The following FLT1 variants were observed in gnomAD, a reference collection of about 807,000 sequenced individuals.
The protein encoded by FLT1 is vascular endothelial growth factor receptor 1.
A neutral mutation model predicts 156.3 loss-of-function variants in FLT1; 49 were observed. The ratio of observed to expected loss-of-function variants is 0.31; its 90% CI spans 0.25 to 0.40. The LOEUF (loss-of-function observed/expected upper bound fraction) is 0.40, where lower values mean the gene tolerates loss of function less well. Ranked by LOEUF, FLT1 falls within the 10% of genes least tolerant of loss-of-function variation. The pLI is 1.00. For synonymous variants in FLT1, 594 were observed against 583.8 expected (o/e 1.02, Z -0.25); for missense variants, 1,322 against 1,637.2 (o/e 0.81, Z 3.32).
intron 2 of FLT1, 108 bp downstream of exon 2, chr13:28,467,413 T>C: frequency 1.3e-6 from 1 of 789,838 alleles, no homozygotes; most frequent in Non-Finnish European, 2.2e-6. Flanking sequence ...GTTTGCACTT[T>C]GCAGATCACA....
intron 12 of FLT1, 70 bp downstream of exon 12, chr13:28,396,888 ACT>A: frequency 1.1e-6 from 1 of 914,466 alleles, no homozygotes; most frequent in Non-Finnish European, 1.8e-6. Context: ...CTATAAATGC[ACT>A]AAAAGCAAAC....
chr13:28,366,059 T>G (rs150424013), intron 14 of FLT1, among the ~76,000 whole-genome samples: 1 of 152,272 alleles, frequency 6.6e-6, no homozygotes, highest in East Asian at 1.9e-4. Flanking sequence ...AATTTGGGGA[T>G]TTGAGTCTGG....
chr13:28,383,697 C>T (rs541810268), intron 14 of FLT1, among the ~76,000 whole-genome samples: 19 of 151,564 alleles, frequency 1.3e-4, no homozygotes, highest in South Asian at 4.2e-4. Context: ...GGTGTGGCGG[C>T]GGGCACCTGT....
chr13:28,427,985 C>T (rs924109624), intron 8 of FLT1, 64 bp from the exon 9 acceptor site: 24 of 1,426,962 alleles, frequency 1.7e-5, no homozygotes, highest in Middle Eastern at 1.7e-4. Context: ...TTTGATAACA[C>T]GGTCATTGAA....
intron 1 of FLT1, among the ~76,000 whole-genome samples, chr13:28,470,098 G>A (rs1880074348): frequency 6.6e-6 from 1 of 152,114 alleles, no homozygotes; most frequent in African/African-American, 2.4e-5. Flanking sequence ...CGGTATCAAA[G>A]TACTCCTAAA....
intron 28 of FLT1, 71 bp downstream of exon 28, chr13:28,308,772 G>A (rs540797946): frequency 7.3e-5 from 67 of 915,204 alleles, no homozygotes; most frequent in Middle Eastern, 6.4e-4. Flanking sequence ...CATTACTGGC[G>A]TTGGTGTTTG....
intron 14 of FLT1, among the ~76,000 whole-genome samples, chr13:28,372,044 GTGTGTATATATA>G (rs1342125240): frequency 6.0e-4 from 8 of 13,434 alleles, no homozygotes; most frequent in Admixed American, 1.1e-3. Context: ...GTGTGTGTGT[GTGTGTATATATA>G]TATATATATA....
intron 14 of FLT1, among the ~76,000 whole-genome samples, chr13:28,363,950 A>G (rs975280941): frequency 6.6e-6 from 1 of 152,104 alleles, no homozygotes; most frequent in African/African-American, 2.4e-5. Context: ...GTGAAATGGT[A>G]TCTTGCTGTG....
chr13:28,345,244 G>A (rs1009322367), intron 16 of FLT1, among the ~76,000 whole-genome samples: 3 of 151,902 alleles, frequency 2.0e-5, no homozygotes, highest in Non-Finnish European at 2.9e-5. Context: ...TCATTGTTAC[G>A]GCTTTTCTTT....
At chr13:28,336,028 A>G (rs1000124323) in intron 17 of FLT1, among the ~76,000 whole-genome samples, 4 of 152,208 alleles carry the variant, frequency 2.6e-5, no homozygotes, top group African/African-American at 7.2e-5. Flanking sequence ...GCCTTCCACC[A>G]TCTAAAAAGA....
intron 10 of FLT1, among the ~76,000 whole-genome samples, chr13:28,415,273 AGT>A (rs1354720969): frequency 1.3e-5 from 2 of 152,182 alleles, no homozygotes; most frequent in African/African-American, 4.8e-5. Context: ...TGAGGTTGGG[AGT>A]TCGAGACCAG....
Position 28,439,612 on chromosome 13 carries a change from CTAAG to C in FLT1, c.389-1271_389-1268del, listed in dbSNP as rs1174547563. 6.6e-6 allele frequency among the ~76,000 whole-genome samples: 1 copy of C among 152,174 alleles called. No individual in the cohort carries two copies. Among genetic ancestry groups the C allele is most frequent in the Non-Finnish European group, 1.5e-5 (1 of 68,036 alleles). ...ATTGTTGCAAATGTAATTGCTTAAGCTAAGTAAGGGAGGGCTCCTCATCCAATGT... is the reference window on the plus strand; with the variant it reads ...ATTGTTGCAAATGTAATTGCTTAAGCTAAGGGAGGGCTCCTCATCCAATGT... On this transcript the variant is annotated intron_variant, in intron 3 of 29. Transcript: ENST00000282397. The surrounding 1 kb of genome is among the most constrained non-coding windows in gnomAD (Gnocchi z 4.1).
intron 3 of FLT1, among the ~76,000 whole-genome samples, chr13:28,462,561 T>A (rs538079029): frequency 6.6e-6 from 1 of 152,360 alleles, no homozygotes; most frequent in East Asian, 1.9e-4. Context: ...TTTTTACAAA[T>A]GCATATCATA....
chr13:28,363,541 A>G (rs1873184101), intron 14 of FLT1, among the ~76,000 whole-genome samples: 1 of 152,308 alleles, frequency 6.6e-6, no homozygotes, highest in Admixed American at 6.5e-5. Flanking sequence ...GTGCTTAAAA[A>G]TTCTAAATAA....
intron 14 of FLT1, among the ~76,000 whole-genome samples, chr13:28,372,054 A>G (rs796254819): frequency 0.063 from 3,441 of 54,780 alleles, 96 homozygotes; most frequent in Admixed American, 0.085. Context: ...GTGTGTATAT[A>G]TATATATATA....
In FLT1 at chr13:28,427,212, T is replaced by C. The variant is rs151270578; in HGVS notation, c.1383A>G (p.Gln461=). ...ILTCTAYGIP[Q]PTIKWFWHPC... ...GGTGCCAGAACCACTTGATTGTAGG[T>C]TGAGGGATACCATATGCGGTACAAG... The change falls in exon 10 of 30, where the codon CAA becomes CAG. Residue 461 remains glutamine, a synonymous_variant. Coordinates refer to ENST00000282397, the MANE Select transcript of FLT1 (RefSeq NM_002019.4). 1 of 1,614,056 alleles carries C rather than the reference T, an allele frequency of 6.2e-7. No homozygotes were observed. The highest frequency in any genetic ancestry group is 2.2e-5 in the East Asian group (1 of 44,884).
intron 14 of FLT1, among the ~76,000 whole-genome samples, chr13:28,379,168 C>A (rs1048809495): frequency 2.6e-4 from 40 of 152,012 alleles, no homozygotes; most frequent in Admixed American, 6.6e-5. Context: ...CATGGTGAAA[C>A]CCTGTTTCTA....
intron 14 of FLT1, among the ~76,000 whole-genome samples, chr13:28,373,651 G>A (rs1317590222): frequency 6.6e-6 from 1 of 152,148 alleles, no homozygotes; most frequent in Admixed American, 6.5e-5. Context: ...CATGTTTAAG[G>A]GAGTGTATGA....
At chr13:28,405,753 C>A (rs374219328) in intron 11 of FLT1, 27 bp downstream of exon 11, 4 of 1,156,840 alleles carry the variant, frequency 3.5e-6, no homozygotes, top group Non-Finnish European at 5.2e-6. Context: ...GAATAAATAT[C>A]CCAGTGCGCA....
Sources: allele counts gnomAD v4.1 joint callset (sites outside exome capture counted in the v4.1 genomes callset), GRCh38; gene constraint gnomAD v4.1.1; non-coding constraint Gnocchi (gnomAD v3.1); transcripts MANE v1.5; gene names NCBI Gene and HGNC (gene_info 2026-07-23, HGNC 2026-07-21).